The following CADPS2 variants were observed in gnomAD, a reference collection of about 807,000 sequenced individuals.
CADPS2 encodes calcium dependent secretion activator 2.
CADPS2 carries 93 observed loss-of-function variants against 172.5 expected under a neutral mutation model. The observed-to-expected ratio is 0.54, with a 90% CI of 0.46 to 0.64. CADPS2 has a LOEUF of 0.64. Ranked by LOEUF, CADPS2 falls within the 30% of genes least tolerant of loss-of-function variation. The pLI, the probability that CADPS2 is intolerant of heterozygous loss-of-function variation, is 0.00. For missense variants in CADPS2, 1,420 were observed against 1,565.9 expected, an observed-to-expected ratio of 0.91 and a Z score of 1.57; for synonymous variants, 546 against 555.2, an observed-to-expected ratio of 0.98 and a Z score of 0.23.
intron 7 of CADPS2, among the ~76,000 whole-genome samples, chr7:122,556,448 T>C (rs180719067): frequency 1.3e-5 from 2 of 152,258 alleles, no homozygotes; most frequent in Admixed American, 6.6e-5. Context: ...ACAGACTTTA[T>C]TGTTTTTTAA....
chr7:122,758,541 C>A (rs2093259317), intron 1 of CADPS2, among the ~76,000 whole-genome samples: 1 of 152,106 alleles, frequency 6.6e-6, no homozygotes, highest in African/African-American at 2.4e-5. Context: ...AAATACTATA[C>A]CTTTAAAAAA....
intron 1 of CADPS2, among the ~76,000 whole-genome samples, chr7:122,884,700 A>G (rs140139893): frequency 1.2e-4 from 19 of 152,302 alleles, no homozygotes; most frequent in Non-Finnish European, 2.5e-4. Flanking sequence ...TTCTAAGAGG[A>G]TAGATCTTAA....
chr7:122,667,062 T>C (rs912890507), intron 2 of CADPS2, among the ~76,000 whole-genome samples: 12 of 152,190 alleles, frequency 7.9e-5, no homozygotes, highest in Admixed American at 5.2e-4. Flanking sequence ...TACTAACCAA[T>C]TTGTTATTGT....
At chr7:122,359,283 T>C (rs1399323763) in intron 27 of CADPS2, among the ~76,000 whole-genome samples, 2 of 152,056 alleles carry the variant, frequency 1.3e-5, no homozygotes, top group Non-Finnish European at 2.9e-5. Flanking sequence ...TTCACAAAGA[T>C]ACAGAATTTC....
chr7:122,410,043 G>A (rs2047110112), intron 19 of CADPS2, among the ~76,000 whole-genome samples: 1 of 152,050 alleles, frequency 6.6e-6, no homozygotes, highest in Admixed American at 6.6e-5. Flanking sequence ...AAGTCCTTCA[G>A]CTTAAAAAAC....
intron 5 of CADPS2, 33 bp from the exon 6 acceptor site, chr7:122,615,332 A>C (rs1340416708): frequency 1.5e-6 from 2 of 1,362,376 alleles, no homozygotes; most frequent in East Asian, 2.5e-5. Flanking sequence ...ATAATGCATC[A>C]AGTTGATAAC....
chr7:122,605,399 T>C (rs2133608126), intron 6 of CADPS2, among the ~76,000 whole-genome samples: 1 of 152,270 alleles, frequency 6.6e-6, no homozygotes, highest in African/African-American at 2.4e-5. Context: ...ATTGGACTGG[T>C]CATTCATATA....
At chr7:122,729,226 C>A (rs1210980649) in intron 2 of CADPS2, among the ~76,000 whole-genome samples, 1 of 151,708 alleles carries the variant, frequency 6.6e-6, no homozygotes, top group Non-Finnish European at 1.5e-5. Context: ...CAACAGTATT[C>A]CATTGTGTAT....
rs542838605 is a variant in CADPS2 at position 122,695,825 on chromosome 7, G to T, written c.454-32256C>A. Among the ~76,000 whole-genome samples, 34 of 152,254 alleles carry T rather than the reference G, an allele frequency of 2.2e-4. No homozygotes were observed. The South Asian group carries it at 6.4e-3, about 29-fold the overall frequency. On this transcript the variant is annotated intron_variant, in intron 2 of 29. Coordinates refer to ENST00000449022, the MANE Select transcript of CADPS2 (RefSeq NM_017954.11). ...ACTCAGGTCTTAGATTGACAATGAT[G>T]AACAAAGGAAAAGGAGGAGAAAAAA...
intron 7 of CADPS2, among the ~76,000 whole-genome samples, chr7:122,560,080 G>T (rs368235743): frequency 6.6e-6 from 1 of 152,038 alleles, no homozygotes; most frequent in Non-Finnish European, 1.5e-5. Flanking sequence ...GTTTAGTTGC[G>T]GCCAGATAGC....
intron 19 of CADPS2, among the ~76,000 whole-genome samples, chr7:122,410,244 T>C (rs1222402914): frequency 2.0e-5 from 3 of 151,788 alleles, no homozygotes; most frequent in African/African-American, 7.3e-5. Context: ...CTCAGGAGGC[T>C]GAGATAGGAG....
rs1554374403 is a variant in CADPS2 at position 122,732,822 on chromosome 7, T to TA, written c.453+4132_453+4133insT. 4.4e-3 allele frequency among the ~76,000 whole-genome samples: 622 copies of TA among 140,670 alleles called. 2 individuals carry two copies. The highest frequency in any genetic ancestry group is 0.016 in the African/African-American group (583 of 37,340). The allele number at this position is 140,670 out of a possible 152,430, so 92.3% of individuals were successfully genotyped here. A position where few individuals can be genotyped will look rare whatever the true frequency, so the allele number is the denominator to read the frequency against. On this transcript the variant is annotated intron_variant, in intron 2 of 29. Coordinates refer to ENST00000449022, the MANE Select transcript of CADPS2 (RefSeq NM_017954.11). ...TTATATATTATATACATAATGTATA[T>TA]TATATATAATATACATTATATATGC...
rs541250918 is a variant in CADPS2, at chr7:122,745,781, G to A, written c.340-8713C>T. On this transcript the variant is annotated intron_variant, in intron 1 of 29. Coordinates refer to ENST00000449022, the MANE Select transcript of CADPS2 (RefSeq NM_017954.11). ...ACATCCTCTATTCTCATGCTTGCCT[G>A]ACCCCACAAAAAAGTCGGTTTATCA... Among the ~76,000 whole-genome samples the A allele has an allele frequency of 6.6e-5, 10 of 151,788 alleles. No homozygotes were observed. The East Asian group carries it at 1.9e-3, about 30-fold the overall frequency.
rs1335961624 is a variant in CADPS2, at chr7:122,758,381, T to C, written c.340-21313A>G. On this transcript the variant is annotated intron_variant, in intron 1 of 29. Transcript: ENST00000449022. ...ATATCCAATTCTTTGCAATCACTCA[T>C]ATTAAGGTTCTTATAAACATCGCGT... Among the ~76,000 whole-genome samples, 4 of 152,154 alleles carry C rather than the reference T, an allele frequency of 2.6e-5. No homozygotes were observed. The East Asian group carries it at 7.7e-4, about 29-fold the overall frequency.
intron 28 of CADPS2, chr7:122,338,862 A>C (rs1351197846): frequency 6.6e-6 from 1 of 151,896 alleles, no homozygotes; most frequent in East Asian, 1.9e-4. Flanking sequence ...CTGGACTTGG[A>C]TGATCCTCTC....
intron 22 of CADPS2, among the ~76,000 whole-genome samples, 171 bp downstream of exon 22, chr7:122,393,025 C>G (rs956131682): frequency 1.3e-5 from 2 of 151,544 alleles, no homozygotes; most frequent in African/African-American, 4.9e-5. Flanking sequence ...TTATTCATCA[C>G]AGATATGCTA....
In CADPS2 at chr7:122,616,916, C is replaced by A. The variant is rs549363086; in HGVS notation, c.1105-1617G>T. ...TAAAAGGCAACTACACTTGGACTTACCACCATTTCTCTAATAACTTCTTAA... is the reference window on the plus strand; with the variant it reads ...TAAAAGGCAACTACACTTGGACTTAACACCATTTCTCTAATAACTTCTTAA... On this transcript the variant is annotated intron_variant, in intron 5 of 29. Coordinates refer to ENST00000449022, the MANE Select transcript of CADPS2 (RefSeq NM_017954.11). Among the ~76,000 whole-genome samples the A allele has an allele frequency of 1.7e-3, 252 of 152,244 alleles. 3 individuals are homozygous for A. The highest frequency in any genetic ancestry group is 6.8e-3 in the Middle Eastern group (2 of 294).
chr7:122,615,089 C>G (rs982812807), intron 6 of CADPS2, 92 bp downstream of exon 6: 8 of 675,974 alleles, frequency 1.2e-5, no homozygotes, highest in Non-Finnish European at 1.7e-5. Flanking sequence ...GAGGGTAATA[C>G]CACACATTTA....
intron 8 of CADPS2, among the ~76,000 whole-genome samples, chr7:122,516,021 G>C (rs2060347888): frequency 6.6e-6 from 1 of 151,892 alleles, no homozygotes; most frequent in African/African-American, 2.4e-5. Flanking sequence ...TAAAATATAT[G>C]GTTTCTTTGA....
Sources: gnomAD v4.1 joint callset for allele counts (sites outside exome capture counted in the v4.1 genomes callset) on GRCh38, gnomAD v4.1.1 for gene constraint, MANE v1.5 for transcripts, NCBI Gene and HGNC (gene_info 2026-07-23, HGNC 2026-07-21) for gene names.